MAGI2: variants seen among roughly 807,000 people sequenced by gnomAD.
MAGI2 encodes membrane-associated guanylate kinase, WW and PDZ domain-containing protein 2.
Under a neutral mutation model 133.3 loss-of-function variants are expected in MAGI2, and 35 were observed. The observed-to-expected ratio is 0.26, with a 90% CI of 0.20 to 0.35. The LOEUF is 0.35. MAGI2 is among the 10% of genes least tolerant of loss of function. MAGI2 has a pLI of 1.00. For missense variants in MAGI2, 1,636 were observed against 1,863.4 expected (o/e 0.88, Z 2.25); for synonymous variants, 729 against 710.6 (o/e 1.03, Z -0.41).
chr7:78,119,298 G>A (rs761572579), intron 20 of MAGI2, among the ~76,000 whole-genome samples: 1 of 152,238 alleles, frequency 6.6e-6, no homozygotes, highest in African/African-American at 2.4e-5. Flanking sequence ...AGTGGCTCAC[G>A]CCTGTAAATC....
At chr7:78,908,111 G>A (rs533546898) in intron 2 of MAGI2, among the ~76,000 whole-genome samples, 8 of 152,228 alleles carry the variant, frequency 5.3e-5, no homozygotes, top group African/African-American at 1.4e-4. Flanking sequence ...TGGTTTGGTT[G>A]GAACATCAGG....
chr7:79,397,309 G>A (rs1275036536), intron 1 of MAGI2, among the ~76,000 whole-genome samples: 2 of 150,896 alleles, frequency 1.3e-5, no homozygotes, highest in Non-Finnish European at 3.0e-5. Flanking sequence ...AATTATAATA[G>A]CAACACTTTT....
intron 1 of MAGI2, among the ~76,000 whole-genome samples, chr7:79,230,609 C>G (rs1418876695): frequency 1.3e-5 from 2 of 150,544 alleles, no homozygotes; most frequent in African/African-American, 4.9e-5. Flanking sequence ...AGTGTCTGTT[C>G]ATGTCCTTCG....
At chr7:78,557,351 T>A (rs887709015) in intron 3 of MAGI2, among the ~76,000 whole-genome samples, 5 of 152,194 alleles carry the variant, frequency 3.3e-5, no homozygotes, top group African/African-American at 9.6e-5. Context: ...CATTGTTGTA[T>A]TCTCCTTCCA....
At chr7:79,295,207 G>T (rs1377671784) in intron 1 of MAGI2, among the ~76,000 whole-genome samples, 1 of 152,054 alleles carries the variant, frequency 6.6e-6, no homozygotes, top group Non-Finnish European at 1.5e-5. Flanking sequence ...TAAATGACAA[G>T]CTTAATTGGA....
chr7:78,655,977 T>C (rs1172114012), intron 2 of MAGI2, among the ~76,000 whole-genome samples: 1 of 92,964 alleles, frequency 1.1e-5, no homozygotes. Context: ...CAAGACTCCG[T>C]CTCAAAAAAA....
intron 2 of MAGI2, among the ~76,000 whole-genome samples, chr7:78,715,275 T>G (rs1420122851): frequency 1.3e-5 from 2 of 152,202 alleles, no homozygotes; most frequent in African/African-American, 2.4e-5. Flanking sequence ...TAGAGTGAAT[T>G]GGAATGGACT....
chr7:79,003,463 G>C (rs1310619345), intron 2 of MAGI2, among the ~76,000 whole-genome samples: 1 of 152,148 alleles, frequency 6.6e-6, no homozygotes, highest in African/African-American at 2.4e-5. Flanking sequence ...ATTAAACAAG[G>C]AGTGAATGTA....
intron 16 of MAGI2, among the ~76,000 whole-genome samples, chr7:78,153,851 A>G (rs1824128101): frequency 6.6e-6 from 1 of 152,220 alleles, no homozygotes; most frequent in Non-Finnish European, 1.5e-5. Flanking sequence ...ACACAGGAAG[A>G]CCAAGTGACT....
chr7:78,713,148 G>C (rs753564689), intron 2 of MAGI2, among the ~76,000 whole-genome samples: 1 of 152,140 alleles, frequency 6.6e-6, no homozygotes, highest in Non-Finnish European at 1.5e-5. Flanking sequence ...CGTGAAATGT[G>C]TTCAGTGATG....
chr7:79,158,002 A>T (rs1314777933), intron 1 of MAGI2, among the ~76,000 whole-genome samples: 1 of 150,550 alleles, frequency 6.6e-6, no homozygotes, highest in Non-Finnish European at 1.5e-5. Flanking sequence ...TATAAATTCT[A>T]TAATTTTATG....
At chr7:78,021,746 A>T (rs1218895459) in intron 21 of MAGI2, among the ~76,000 whole-genome samples, 1 of 152,334 alleles carries the variant, frequency 6.6e-6, no homozygotes, top group Non-Finnish European at 1.5e-5. Flanking sequence ...AAGTCCTGGA[A>T]TCTAATCCTG....
In MAGI2 at chr7:78,332,835, G is replaced by A. The variant is rs1789372090; in HGVS notation, c.1408+10943C>T. 2.0e-5 allele frequency among the ~76,000 whole-genome samples: 3 copies of A among 152,296 alleles called. No homozygotes were observed. The South Asian group carries it at 6.2e-4, about 32-fold the overall frequency. ...GAGATATTAGGTATTTGAACAAAAT[G>A]AAGTGGAGTTTTGAAAGTTAGGTGT... On this transcript the variant is annotated intron_variant, in intron 9 of 21. Transcript: ENST00000354212.
chr7:79,381,616 T>C (rs901519045), intron 1 of MAGI2, among the ~76,000 whole-genome samples: 1 of 151,674 alleles, frequency 6.6e-6, no homozygotes, highest in African/African-American at 2.4e-5. Flanking sequence ...CTGGTGGAAA[T>C]ACCTGTAATC....
intron 2 of MAGI2, among the ~76,000 whole-genome samples, chr7:78,890,986 A>G (rs994120805): frequency 1.3e-5 from 2 of 152,014 alleles, no homozygotes; most frequent in East Asian, 3.9e-4. Flanking sequence ...GCTAGCAAGA[A>G]TAATAAAGAA....
intron 2 of MAGI2, among the ~76,000 whole-genome samples, chr7:78,738,040 A>C (rs1479423103): frequency 1.4e-5 from 2 of 145,098 alleles, no homozygotes; most frequent in Non-Finnish European, 3.0e-5. Flanking sequence ...AAAATAGAGG[A>C]ATTATTCTCT....
chr7:78,882,089 A>C lies in MAGI2; in HGVS notation c.418+125001T>G, dbSNP rs111988197. Among the ~76,000 whole-genome samples, 86 of 88,270 alleles carry C rather than the reference A, an allele frequency of 9.7e-4. 1 individual carries two copies. The highest frequency in any genetic ancestry group is 2.1e-3 in the African/African-American group (46 of 21,760). 57.9% of individuals were successfully genotyped at this position (88,270 alleles called of 152,430 possible). A position where few individuals can be genotyped will look rare whatever the true frequency, so the allele number is the denominator to read the frequency against. ...AGATTAACAACAACAACAACAACAA[A>C]AAAAAAAAAAAAAAAAAAAGAAAAG... On this transcript the variant is annotated intron_variant, in intron 2 of 21. Coordinates refer to ENST00000354212, the MANE Select transcript of MAGI2 (RefSeq NM_012301.4).
At chr7:78,083,393 A>AGAGG (rs1816247136) in intron 20 of MAGI2, among the ~76,000 whole-genome samples, 2 of 25,644 alleles carry the variant, frequency 7.8e-5, no homozygotes, top group Non-Finnish European at 1.4e-4. Context: ...GGGGGGAGAG[A>AGAGG]GAGAGAGAGA....
At chr7:78,296,615 A>AT (rs888526768) in intron 9 of MAGI2, among the ~76,000 whole-genome samples, 10 of 152,088 alleles carry the variant, frequency 6.6e-5, no homozygotes, top group East Asian at 1.9e-4. Flanking sequence ...ACAGATAAAT[A>AT]TTTTTTTCGG....
Sources: gnomAD v4.1 joint callset for allele counts (sites outside exome capture counted in the v4.1 genomes callset) on GRCh38, gnomAD v4.1.1 for gene constraint, MANE v1.5 for transcripts, NCBI Gene and HGNC (gene_info 2026-07-23, HGNC 2026-07-21) for gene names.